GPM6A: variants seen among roughly 807,000 people sequenced by gnomAD.
The protein encoded by GPM6A is neuronal membrane glycoprotein M6-a.
Under a neutral mutation model 32.1 loss-of-function variants are expected in GPM6A, and 7 were observed. The ratio of observed to expected loss-of-function variants is 0.22; its 90% CI spans 0.12 to 0.41. GPM6A has a LOEUF of 0.41. GPM6A is among the 10% of genes least tolerant of loss of function. The probability of loss-of-function intolerance (pLI) is 1.00; values close to 1 mark genes in which losing one functional copy is unlikely to be tolerated. For synonymous variants in GPM6A, 130 were observed against 123.4 expected, an observed-to-expected ratio of 1.05 and a Z score of -0.35; for missense variants, 235 against 347.2, an observed-to-expected ratio of 0.68 and a Z score of 2.57.
At position 175,737,316 on chromosome 4, in the gene GPM6A, G is replaced by A. The variant is rs548738376; in HGVS notation, c.38-35549C>T. 1.2e-4 allele frequency among the ~76,000 whole-genome samples: 18 copies of A among 151,922 alleles called. No homozygotes were observed. In the East Asian group the frequency reaches 2.1e-3, roughly 18 times the overall value. On this transcript the variant is annotated intron_variant, in intron 1 of 6. Transcript: ENST00000393658. ...ATCCTGTACGCCTGTAATCCTGCAC[G>A]CCTATAATCCTGCACGCCCGTAATC...
chr4:175,971,005 T>C (rs1173798374), intron 1 of GPM6A: 3 of 411,246 alleles, frequency 7.3e-6, no homozygotes, highest in African/African-American at 4.2e-5. Context: ...TCAGTGAAAG[T>C]TGCAAATACA....
rs185942606 is a variant in GPM6A, at chr4:175,929,753, A to G, written c.-23+72556T>C. The stretch of plus-strand genomic sequence containing the variant: ...ATATAAACAAAACAACACTCCTAAC[A>G]TGTTGATGCTTTCAGTTTAGTAAGT... On this transcript the variant is annotated intron_variant, in intron 1 of 7. Coordinates refer to the GPM6A transcript ENST00000280187. Among the ~76,000 whole-genome samples the G allele has an allele frequency of 1.8e-4, 28 of 152,320 alleles. No homozygotes were observed. The South Asian group carries it at 1.9e-3, about 10-fold the overall frequency.
At chr4:175,901,957 G>A (rs1350433161) in intron 1 of GPM6A, among the ~76,000 whole-genome samples, 1 of 151,638 alleles carries the variant, frequency 6.6e-6, no homozygotes, top group Non-Finnish European at 1.5e-5. Context: ...TAAATTAAAG[G>A]GTAAAATATT....
intron 1 of GPM6A, among the ~76,000 whole-genome samples, chr4:175,828,397 G>A (rs1452524323): frequency 1.3e-5 from 2 of 152,126 alleles, no homozygotes; most frequent in East Asian, 3.9e-4. Flanking sequence ...ATGGTTCCAT[G>A]GCCTCATTTT....
At chr4:175,709,642 C>A (rs568225025) in intron 1 of GPM6A, among the ~76,000 whole-genome samples, 53 of 150,000 alleles carry the variant, frequency 3.5e-4, no homozygotes, top group African/African-American at 1.3e-3. Flanking sequence ...GCAGGAGAAT[C>A]GCTTGAACCC....
intron 1 of GPM6A, among the ~76,000 whole-genome samples, chr4:175,706,851 G>T (rs1745221867): frequency 6.6e-6 from 1 of 152,176 alleles, no homozygotes; most frequent in Non-Finnish European, 1.5e-5. Flanking sequence ...TAGTAAAGAA[G>T]CCAGCTAAAA....
chr4:175,907,485 G>A (rs1446080201), intron 1 of GPM6A, among the ~76,000 whole-genome samples: 1 of 152,098 alleles, frequency 6.6e-6, no homozygotes, highest in Non-Finnish European at 1.5e-5. Flanking sequence ...TTCATGCACA[G>A]TCAGTCCCAG....
chr4:175,852,435 A>ACCTATC (rs1385345056), intron 1 of GPM6A, among the ~76,000 whole-genome samples: 1 of 152,158 alleles, frequency 6.6e-6, no homozygotes, highest in Non-Finnish European at 1.5e-5. Context: ...CAGAGCAAAG[A>ACCTATC]CCTATCTTCA....
chr4:175,640,121 G>A lies in GPM6A; in HGVS notation c.684+8C>T. 1.2e-6 allele frequency: 2 copies of A among 1,606,626 alleles called. No homozygotes were observed. Among genetic ancestry groups the A allele is most frequent in the Non-Finnish European group, 1.7e-6 (2 of 1,173,302 alleles). On this transcript the variant is annotated splice_region_variant and intron_variant, in intron 6 of 6. Transcript: ENST00000393658. The stretch of plus-strand genomic sequence containing the variant: ...TGAAAACCAAGCACCAGCGCTTTGA[G>A]GTCTTACCATAGCAATGACTGCTGC...
At chr4:175,777,851 T>G (rs1344780489) in intron 1 of GPM6A, among the ~76,000 whole-genome samples, 3 of 152,208 alleles carry the variant, frequency 2.0e-5, no homozygotes, top group African/African-American at 7.2e-5. Context: ...ATAAAAAATT[T>G]TTTTAATCCC....
intron 2 of GPM6A, among the ~76,000 whole-genome samples, chr4:175,694,487 G>A (rs1035161464): frequency 3.9e-5 from 6 of 152,186 alleles, no homozygotes; most frequent in Non-Finnish European, 5.9e-5. Context: ...CATTAGCAAA[G>A]AGGTTGGCCA....
intron 1 of GPM6A, among the ~76,000 whole-genome samples, chr4:175,763,187 T>C (rs1333922970): frequency 6.6e-6 from 1 of 152,246 alleles, no homozygotes; most frequent in Non-Finnish European, 1.5e-5. Context: ...CAGATTTTTA[T>C]ATTTTTAGTA....
intron 1 of GPM6A, among the ~76,000 whole-genome samples, chr4:175,703,369 G>A (rs1744987537): frequency 6.6e-6 from 1 of 152,062 alleles, no homozygotes; most frequent in African/African-American, 2.4e-5. Context: ...ACGGGGTTTT[G>A]CCATGTTGGC....
At chr4:175,946,510 T>A in intron 1 of GPM6A, among the ~76,000 whole-genome samples, 1 of 151,706 alleles carries the variant, frequency 6.6e-6, no homozygotes, top group African/African-American at 2.4e-5. Flanking sequence ...AGTTCTGGAG[T>A]GAATAAATGG....
Position 175,637,316 on chromosome 4 carries a change from TA to T in GPM6A, c.685-2260del, listed in dbSNP as rs1239378360. On this transcript the variant is annotated intron_variant, in intron 6 of 6. Coordinates refer to ENST00000393658, the MANE Select transcript of GPM6A (RefSeq NM_201591.3). Reference sequence around the variant, plus strand: ...TATATATTATATATTATATATAATATAAAATATATATTATATATTATATATT... The same window carrying T: ...TATATATTATATATTATATATAATATAAATATATATTATATATTATATATT... Among the ~76,000 whole-genome samples, 15 of 69,224 alleles carry T rather than the reference TA, an allele frequency of 2.2e-4. 1 individual carries two copies. Among genetic ancestry groups the T allele is most frequent in the Admixed American group, 8.1e-4 (3 of 3,708 alleles). The allele number at this position is 69,224 out of a possible 152,430, so 45.4% of individuals were successfully genotyped here.
chr4:175,804,619 G>A (rs903037774), intron 1 of GPM6A, among the ~76,000 whole-genome samples: 6 of 152,080 alleles, frequency 3.9e-5, no homozygotes, highest in Non-Finnish European at 8.8e-5. Flanking sequence ...AACAGTGCCT[G>A]GATTATTAAA....
At chr4:175,767,815 G>T (rs1426013316) in intron 1 of GPM6A, among the ~76,000 whole-genome samples, 1 of 152,210 alleles carries the variant, frequency 6.6e-6, no homozygotes, top group South Asian at 2.1e-4. Flanking sequence ...GATGTTGAGT[G>T]GGTGGTTTCA....
intron 4 of GPM6A, among the ~76,000 whole-genome samples, chr4:175,644,928 G>A (rs558292748): frequency 8.6e-5 from 13 of 151,580 alleles, no homozygotes; most frequent in African/African-American, 3.1e-4. Context: ...CCAACATGGT[G>A]AAACCCCGTC....
Position 175,701,681 on chromosome 4 carries a change from G to A in GPM6A, c.124C>T (p.Leu42=). 1.2e-6 allele frequency: 2 copies of A among 1,613,938 alleles called. No homozygotes were observed. The highest frequency in any genetic ancestry group is 1.1e-5 in the South Asian group (1 of 91,082). The change falls in exon 2 of 7, where the codon CTG becomes TTG. Residue 42 remains leucine, a synonymous_variant. Coordinates refer to ENST00000393658, the MANE Select transcript of GPM6A (RefSeq NM_201591.3). ...GCTTCATGACCGCAGCCACAGAACA[G>A]GGCAACACCCGCATAGAGCAGGATG... is the stretch of plus-strand genomic sequence containing the variant. ...ATILLYAGVA[L]FCGCGHEALS... is the part of the protein sequence containing the mutation.
Sources: gnomAD v4.1 joint callset for allele counts (sites outside exome capture counted in the v4.1 genomes callset) on GRCh38, gnomAD v4.1.1 for gene constraint, MANE v1.5 for transcripts, NCBI Gene and HGNC (gene_info 2026-07-23, HGNC 2026-07-21) for gene names.